CRADD: variants seen among roughly 807,000 people sequenced by gnomAD.
The protein encoded by CRADD is death domain-containing protein CRADD.
CRADD carries 9 observed loss-of-function variants against 15.5 expected under a neutral mutation model. That is an observed-to-expected ratio of 0.58 (90% CI 0.35 to 1.01). The LOEUF is 1.01. Ranked by LOEUF, CRADD falls within the 50% of genes least tolerant of loss-of-function variation. The probability of loss-of-function intolerance (pLI) is 0.02; values close to 1 mark genes in which losing one functional copy is unlikely to be tolerated. For synonymous variants in CRADD, 118 were observed against 107.6 expected (o/e 1.10, Z -0.60); for missense variants, 227 against 250.3 (o/e 0.91, Z 0.63).
intron 2 of CRADD, among the ~76,000 whole-genome samples, chr12:93,844,451 G>C (rs1031566796): frequency 1.3e-5 from 2 of 152,072 alleles, no homozygotes; most frequent in Admixed American, 6.5e-5. Flanking sequence ...GGAAAGGCTT[G>C]ATCTGCTTGG....
chr12:93,753,017 G>T (rs183980698), intron 2 of CRADD, among the ~76,000 whole-genome samples: 8 of 152,004 alleles, frequency 5.3e-5, no homozygotes, highest in Non-Finnish European at 8.8e-5. Flanking sequence ...GGAAAGACCC[G>T]CCCCCGTAAT....
chr12:93,782,355 G>C (rs1211567844), intron 2 of CRADD, among the ~76,000 whole-genome samples: 1 of 148,606 alleles, frequency 6.7e-6, no homozygotes, highest in Non-Finnish European at 1.5e-5. Context: ...GGTTGGGGGA[G>C]GGGGGAGGGA....
chr12:93,746,905 G>T (rs1399220880), intron 2 of CRADD, among the ~76,000 whole-genome samples: 2 of 151,906 alleles, frequency 1.3e-5, no homozygotes, highest in Non-Finnish European at 2.9e-5. Flanking sequence ...TGAAACTGAT[G>T]AATATTCACA....
intron 2 of CRADD, among the ~76,000 whole-genome samples, chr12:93,884,091 T>TA (rs1958520187): frequency 6.6e-6 from 1 of 152,000 alleles, no homozygotes; most frequent in Admixed American, 6.6e-5. Context: ...GAGAGGGGAC[T>TA]AAAAAAGGGT....
chr12:93,847,514 A>C (rs1958143027), intron 2 of CRADD, among the ~76,000 whole-genome samples: 1 of 148,280 alleles, frequency 6.7e-6, no homozygotes, highest in African/African-American at 2.5e-5. Context: ...AAAAAAAAAA[A>C]AAAAAAACCT....
intron 2 of CRADD, among the ~76,000 whole-genome samples, chr12:93,775,393 A>G (rs1158784171): frequency 6.6e-6 from 1 of 152,096 alleles, no homozygotes; most frequent in Non-Finnish European, 1.5e-5. Context: ...ATGTGCAAAC[A>G]CGTATATAGG....
intron 2 of CRADD, among the ~76,000 whole-genome samples, chr12:93,732,134 C>T (rs1956476868): frequency 7.0e-6 from 1 of 143,474 alleles, no homozygotes; most frequent in African/African-American, 2.7e-5. Context: ...GAAATTCCGT[C>T]TCAAGAAAAA....
chr12:93,777,119 C>G (rs964329988), intron 2 of CRADD, among the ~76,000 whole-genome samples: 2 of 152,182 alleles, frequency 1.3e-5, no homozygotes, highest in African/African-American at 4.8e-5. Context: ...TATGGTCATT[C>G]TCACGGGCCT....
At position 93,683,565 on chromosome 12, in the gene CRADD, C is replaced by T. The variant is rs138440925; in HGVS notation, c.298+4493C>T. Among the ~76,000 whole-genome samples the T allele has an allele frequency of 3.4e-3, 524 of 152,318 alleles. 3 individuals are homozygous for T. Among genetic ancestry groups the T allele is most frequent in the African/African-American group, 0.012 (483 of 41,574 alleles). On this transcript the variant is annotated intron_variant, in intron 2 of 2. Transcript: ENST00000332896. ...TTGTCCTCCCCATAGACTCTGTGCC[C>T]TGGACTCCCTGGCTGCTCTTACAAC...
chr12:93,703,871 A>G (rs1200462303), intron 2 of CRADD, among the ~76,000 whole-genome samples: 1 of 151,986 alleles, frequency 6.6e-6, no homozygotes, highest in Non-Finnish European at 1.5e-5. Flanking sequence ...TTTTACATGC[A>G]ATCTGTTTTT....
At chr12:93,854,631 G>A (rs568167734), downstream of CRADD, among the ~76,000 whole-genome samples, 3 of 152,178 alleles carry the variant, frequency 2.0e-5, no homozygotes, top group South Asian at 6.2e-4. Context: ...GGCTACTCTG[G>A]ATCCCTGTCC....
At position 93,892,817 on chromosome 12, in the gene CRADD, A is replaced by T. The variant is rs116855035; in HGVS notation, c.299-1233A>T. 9.2e-5 allele frequency among the ~76,000 whole-genome samples: 14 copies of T among 152,312 alleles called. No homozygotes were observed. In the East Asian group the frequency reaches 2.5e-3, roughly 27 times the overall value. On this transcript the variant is annotated intron_variant, in intron 2 of 2. Transcript: ENST00000548483. Reference sequence around the variant, plus strand: ...TGCTCCCCCTCCAGCCCTGTTGGCCACTAGGGAAATAGAAGGAACAGCTTG... The same window carrying T: ...TGCTCCCCCTCCAGCCCTGTTGGCCTCTAGGGAAATAGAAGGAACAGCTTG...
intron 2 of CRADD, among the ~76,000 whole-genome samples, chr12:93,866,160 C>A (rs1486903712): frequency 1.3e-5 from 2 of 152,048 alleles, no homozygotes; most frequent in South Asian, 2.1e-4. Flanking sequence ...TTGATAGGAA[C>A]TTTTATCTCA....
chr12:93,728,146 G>A (rs755418675), intron 2 of CRADD, among the ~76,000 whole-genome samples: 10 of 152,184 alleles, frequency 6.6e-5, no homozygotes, highest in African/African-American at 1.2e-4. Flanking sequence ...AAACAGTCAC[G>A]TTTGGCTCCT....
intron 2 of CRADD, among the ~76,000 whole-genome samples, chr12:93,726,485 G>T (rs1036067271): frequency 4.6e-5 from 7 of 152,064 alleles, no homozygotes; most frequent in Admixed American, 6.5e-5. Flanking sequence ...GGCCATAAAT[G>T]TATTTTTACA....
rs74353418 is a variant in CRADD at position 93,835,045 on chromosome 12, C to T, written c.299-14925C>T. 4.8e-3 allele frequency among the ~76,000 whole-genome samples: 733 copies of T among 152,336 alleles called. 6 individuals carry two copies. Among genetic ancestry groups the T allele is most frequent in the African/African-American group, 0.017 (688 of 41,568 alleles). ...CATCCTTTATTGCCTGCATCTGAAG[C>T]AAACCATTTTCACTGGCCCCCCCAT... On this transcript the variant is annotated intron_variant, in intron 2 of 2. Transcript: ENST00000332896.
chr12:93,763,368 C>G (rs1221123404), intron 2 of CRADD, among the ~76,000 whole-genome samples: 2 of 117,696 alleles, frequency 1.7e-5, no homozygotes, highest in African/African-American at 5.3e-5. Context: ...AACTTCCTCT[C>G]TATTAAAAAA....
At chr12:93,707,605 A>G (rs2136851970) in intron 2 of CRADD, among the ~76,000 whole-genome samples, 1 of 152,286 alleles carries the variant, frequency 6.6e-6, no homozygotes, top group Non-Finnish European at 1.5e-5. Flanking sequence ...CTCAGGATGT[A>G]GACTCATAAG....
Position 93,850,632 on chromosome 12 carries a change from G to A in CRADD, c.*361G>A. ...ATCTCATGTCATCACATTACAGGCA[G>A]GTGTCTCATATGTAAAACATTTACC... On this transcript the variant is annotated 3_prime_UTR_variant, in exon 3 of 3. Transcript: ENST00000332896. This position sits in a 1 kb window ranked among gnomAD's most constrained non-coding sequence, Gnocchi z 4.0. 1 of 939,996 alleles carries A rather than the reference G, an allele frequency of 1.1e-6. No homozygotes were observed. Among genetic ancestry groups the A allele is most frequent in the Non-Finnish European group, 1.3e-6 (1 of 788,004 alleles). The allele number at this position is 939,996 out of a possible 1,614,324, so 58.2% of individuals were successfully genotyped here. A position where few individuals can be genotyped will look rare whatever the true frequency, so the allele number is the denominator to read the frequency against.
Sources: gnomAD v4.1 joint callset for allele counts (sites outside exome capture counted in the v4.1 genomes callset) on GRCh38, gnomAD v4.1.1 for gene constraint, Gnocchi (gnomAD v3.1) non-coding constraint, MANE v1.5 for transcripts, NCBI Gene and HGNC (gene_info 2026-07-23, HGNC 2026-07-21) for gene names.